The following RFC1 variants were observed in gnomAD, a reference collection of about 807,000 sequenced individuals.
The protein encoded by RFC1 is replication factor C subunit 1.
A neutral mutation model predicts 137.4 loss-of-function variants in RFC1; 37 were observed. The ratio of observed to expected loss-of-function variants is 0.27; its 90% CI spans 0.21 to 0.35. The LOEUF is 0.35. Ranked by LOEUF, RFC1 falls within the 10% of genes least tolerant of loss-of-function variation. RFC1 has a pLI of 1.00. For synonymous variants in RFC1, 429 were observed against 455.7 expected (o/e 0.94, Z 0.75); for missense variants, 1,205 against 1,358.5 (o/e 0.89, Z 1.78).
chr4:39,345,933 T>A (rs1362144530), intron 2 of RFC1, among the ~76,000 whole-genome samples: 1 of 152,154 alleles, frequency 6.6e-6, no homozygotes, highest in Admixed American at 6.6e-5. Flanking sequence ...TTCTCCAGAC[T>A]AAACTGTCAG....
At chr4:39,305,843 G>C (rs1738619702) in intron 14 of RFC1, among the ~76,000 whole-genome samples, 2 of 151,910 alleles carry the variant, frequency 1.3e-5, no homozygotes, top group Admixed American at 1.3e-4. Context: ...GTAGGGACTA[G>C]GAAAAAAATG....
intron 1 of RFC1, among the ~76,000 whole-genome samples, chr4:39,355,096 A>ACACACAC (rs59993299): frequency 1.7e-5 from 1 of 60,158 alleles, no homozygotes; most frequent in Non-Finnish European, 3.2e-5. Context: ...AAAAAAAAAA[A>ACACACAC]ATACACACAC....
chr4:39,311,916 T>G (rs1223391316), intron 11 of RFC1, among the ~76,000 whole-genome samples: 1 of 152,180 alleles, frequency 6.6e-6, no homozygotes, highest in Admixed American at 6.5e-5. Context: ...TTCCCCCACC[T>G]TCTTCCCTGC....
At chr4:39,326,530 A>G (rs1282004477) in intron 6 of RFC1, 33 bp downstream of exon 6, 9 of 1,581,086 alleles carry the variant, frequency 5.7e-6, no homozygotes, top group Non-Finnish European at 7.8e-6. Flanking sequence ...CAGAATATCA[A>G]GTTACTAATG....
intron 1 of RFC1, among the ~76,000 whole-genome samples, chr4:39,351,743 C>T (rs1278266403): frequency 6.6e-6 from 1 of 152,120 alleles, no homozygotes; most frequent in African/African-American, 2.4e-5. Context: ...GGGTGGATCA[C>T]TTGAGGTCAG....
chr4:39,288,955 G>C (rs1578094741), intron 24 of RFC1, 111 bp from the exon 25 acceptor site: 1 of 758,442 alleles, frequency 1.3e-6, no homozygotes, highest in East Asian at 2.5e-5. Flanking sequence ...TAAAAAAGAA[G>C]AGAGGCTGCA....
rs1737700984 is a variant in RFC1, at chr4:39,291,914, A to G, written c.2955-62T>C. 8 of 1,169,276 alleles carry G rather than the reference A, an allele frequency of 6.8e-6. No homozygotes were observed. In the East Asian group the frequency reaches 7.0e-5, roughly 10 times the overall value. 72.4% of individuals were successfully genotyped at this position (1,169,276 alleles called of 1,614,324 possible). ...AGTATCAACTCAAGTCATACTGTGC[A>G]TAACAGCACTGAGTTAATCAGGCAG... On this transcript the variant is annotated intron_variant, in intron 22 of 24. Coordinates refer to ENST00000349703, the MANE Select transcript of RFC1 (RefSeq NM_002913.5).
At chr4:39,315,870 T>C (rs1251205636) in intron 10 of RFC1, among the ~76,000 whole-genome samples, 5 of 152,212 alleles carry the variant, frequency 3.3e-5, no homozygotes, top group South Asian at 2.1e-4. Flanking sequence ...TCCACAGCAC[T>C]TGGTACATCA....
At chr4:39,311,626 C>T (rs2600442) in intron 11 of RFC1, 77 bp from the exon 12 acceptor site, 1 of 1,063,856 alleles carries the variant, frequency 9.4e-7, no homozygotes. Flanking sequence ...AAAAAAAATT[C>T]TAGGGCCTAT....
At chr4:39,352,256 G>A (rs1741246088) in intron 1 of RFC1, among the ~76,000 whole-genome samples, 1 of 151,892 alleles carries the variant, frequency 6.6e-6, no homozygotes, top group Non-Finnish European at 1.5e-5. Context: ...ATCATTCCTG[G>A]CAACTAAAAA....
chr4:39,321,296 G>T lies in RFC1; in HGVS notation c.799C>A (p.Pro267Thr), dbSNP rs753366121. 3 of 1,612,468 alleles carry T rather than the reference G, an allele frequency of 1.9e-6. No individual in the cohort carries two copies. The highest frequency in any genetic ancestry group is 1.7e-5 in the Admixed American group (1 of 59,896). ...TTTCTGCTAGTATTACCTTTATGAG[G>T]ATATTTATGTTTTTCTGCTTTACTT... is the stretch of plus-strand genomic sequence containing the variant. ...NLSKAEKHKY[P>T]HKVKTAQVSD... is the part of the protein sequence containing the mutation. Residue 267 changes from proline (P) to threonine (T), a missense_variant, in exon 8 of 25, where the codon CCT (proline) becomes ACT (threonine). Physicochemically the swap from Pro to Thr is conservative, Grantham distance 38 (BLOSUM62 -1). This residue lies in a region of RFC1 where 962 missense variants were observed against 1,035.3 expected (regional missense o/e 0.93). Coordinates refer to ENST00000349703, the MANE Select transcript of RFC1 (RefSeq NM_002913.5).
chr4:39,296,250 C>CTTTTTTTTTTT, intron 21 of RFC1, among the ~76,000 whole-genome samples: 1 of 132,754 alleles, frequency 7.5e-6, no homozygotes, highest in Non-Finnish European at 1.6e-5. Flanking sequence ...TTTTTTTTTT[C>CTTTTTTTTTTT]TTTTTTTTTT....
chr4:39,301,766 C>G (rs186064846), intron 19 of RFC1, among the ~76,000 whole-genome samples: 150 of 152,262 alleles, frequency 9.9e-4, no homozygotes, highest in African/African-American at 3.4e-3. Flanking sequence ...GGAAACATAG[C>G]GAGACCCTGT....
At chr4:39,359,006 CTAA>C (rs1231697404) in intron 1 of RFC1, among the ~76,000 whole-genome samples, 2 of 152,184 alleles carry the variant, frequency 1.3e-5, no homozygotes, top group Non-Finnish European at 2.9e-5. Flanking sequence ...GTGCCTCTAA[CTAA>C]TAATGTCCTC....
rs1205443032 is a variant in RFC1 at position 39,351,452 on chromosome 4, T to C, written c.28A>G (p.Ile10Val). Reference sequence around the variant, plus strand: ...CTTACAAGTTTCTTTCCACTTGGTATTACTCCAAAGAATTTCCGAATGTCC... The same window carrying C: ...CTTACAAGTTTCTTTCCACTTGGTACTACTCCAAAGAATTTCCGAATGTCC... The part of the protein sequence containing the change: MDIRKFFGV[I>V]PSGKKLVSET... The change falls in exon 2 of 25, where the codon ATA becomes GTA. Residue 10 changes from isoleucine to valine, a missense_variant. Around this residue, in one of 3 missense-constraint regions of RFC1, gnomAD observed 962 missense variants for 1,035.3 expected, o/e 0.93. Transcript: ENST00000349703. The C allele has an allele frequency of 1.3e-6, 2 of 1,568,882 alleles. No individual in the cohort carries two copies. Among genetic ancestry groups the C allele is most frequent in the African/African-American group, 1.4e-5 (1 of 72,576 alleles).
At chr4:39,343,675 C>T (rs910583793) in intron 3 of RFC1, among the ~76,000 whole-genome samples, 3 of 152,184 alleles carry the variant, frequency 2.0e-5, no homozygotes, top group Non-Finnish European at 2.9e-5. Context: ...GGAAGAGGAA[C>T]GCGTACTTCT....
chr4:39,306,547 C>T (rs2109623659), intron 14 of RFC1, 45 bp downstream of exon 14: 1 of 1,039,144 alleles, frequency 9.6e-7, no homozygotes, highest in Non-Finnish European at 1.5e-6. Context: ...CTAGCCATGA[C>T]CACTCGAGGT....
At chr4:39,334,160 A>G (rs1368999598) in intron 4 of RFC1, among the ~76,000 whole-genome samples, 1 of 152,142 alleles carries the variant, frequency 6.6e-6, no homozygotes, top group Non-Finnish European at 1.5e-5. Flanking sequence ...TAACATTAAA[A>G]AAAGCAAATT....
chr4:39,354,991 A>G (rs1327823940), intron 1 of RFC1, among the ~76,000 whole-genome samples: 1 of 151,642 alleles, frequency 6.6e-6, no homozygotes, highest in Non-Finnish European at 1.5e-5. Context: ...CTGAGGCACA[A>G]GAATCGCTTG....
Sources: gnomAD v4.1 joint callset for allele counts (sites outside exome capture counted in the v4.1 genomes callset) on GRCh38, gnomAD v4.1.1 for gene constraint, gnomAD v4.1.1 regional missense constraint, MANE v1.5 for transcripts, NCBI Gene and HGNC (gene_info 2026-07-23, HGNC 2026-07-21) for gene names.